The following FUT8 variants were observed in gnomAD, a reference collection of about 807,000 sequenced individuals.
FUT8 encodes the protein fucosyltransferase 8, also known as alpha-(1,6)-fucosyltransferase.
In FUT8, 29 loss-of-function variants were observed where a neutral mutation model predicts 71.3. The observed-to-expected ratio is 0.41, with a 90% confidence interval of 0.30 to 0.55. FUT8 has a LOEUF of 0.55. FUT8 is among the 20% of genes least tolerant of loss of function. The probability of loss-of-function intolerance (pLI) is 0.34; values close to 1 mark genes in which losing one functional copy is unlikely to be tolerated. For synonymous variants in FUT8, 254 were observed against 239.3 expected (o/e 1.06, Z -0.57); for missense variants, 544 against 702.1 (o/e 0.77, Z 2.55).
rs540639470 is a variant in FUT8 at position 65,682,254 on chromosome 14, A to G, written c.835+12774A>G. On this transcript the variant is annotated intron_variant, in intron 7 of 10. Transcript: ENST00000673929. Reference sequence around the variant, plus strand: ...GTGGTGGCTCACGCTTATAATCCCAACACTTTGGGAGGTTGATGCAGGAGG... The same window carrying G: ...GTGGTGGCTCACGCTTATAATCCCAGCACTTTGGGAGGTTGATGCAGGAGG... 3.3e-5 allele frequency among the ~76,000 whole-genome samples: 5 copies of G among 152,340 alleles called. No individual in the cohort carries two copies. The South Asian group carries it at 8.3e-4, about 25-fold the overall frequency.
At chr14:65,451,304 C>T (rs192713191) in intron 1 of FUT8, among the ~76,000 whole-genome samples, 28 of 152,358 alleles carry the variant, frequency 1.8e-4, no homozygotes, top group Middle Eastern at 3.4e-3. Context: ...TTCTGCCCCT[C>T]GCAGGAGGGA....
Position 65,448,091 on chromosome 14 carries a change from T to A in FUT8, c.-325-7530T>A, listed in dbSNP as rs76518004. Among the ~76,000 whole-genome samples, 872 of 152,340 alleles carry A rather than the reference T, an allele frequency of 5.7e-3. 31 individuals carry two copies. In the East Asian group the frequency reaches 0.093, roughly 16 times the overall value. ...GGTCATAAGACCCCTGACCTGTTGA[T>A]TCTATCTCTTTATCTTACCTAGTAA... On this transcript the variant is annotated intron_variant, in intron 1 of 10. Coordinates refer to ENST00000673929, the MANE Select transcript of FUT8 (RefSeq NM_001371533.1).
intron 7 of FUT8, among the ~76,000 whole-genome samples, chr14:65,700,369 T>C (rs1000630767): frequency 6.7e-6 from 1 of 149,850 alleles, no homozygotes; most frequent in Admixed American, 6.7e-5. Flanking sequence ...CTACTTTCTT[T>C]TCTTTCTTTC....
At chr14:65,542,893 C>T (rs1316788077) in intron 2 of FUT8, among the ~76,000 whole-genome samples, 1 of 152,112 alleles carries the variant, frequency 6.6e-6, no homozygotes, top group African/African-American at 2.4e-5. Flanking sequence ...AGCGATTATC[C>T]AGCCTCAGCC....
At chr14:65,667,994 T>C (rs1365175278) in intron 6 of FUT8, among the ~76,000 whole-genome samples, 2 of 152,136 alleles carry the variant, frequency 1.3e-5, no homozygotes, top group African/African-American at 4.8e-5. Flanking sequence ...ATTCAATAAA[T>C]TGTGCTGGGA....
intron 9 of FUT8, among the ~76,000 whole-genome samples, chr14:65,726,373 G>A (rs866926623): frequency 6.6e-6 from 1 of 152,168 alleles, no homozygotes; most frequent in Admixed American, 6.5e-5. Flanking sequence ...CCCAGACTGG[G>A]CAATTTACAA....
chr14:65,525,927 C>T (rs1056283455), intron 2 of FUT8, among the ~76,000 whole-genome samples: 1 of 152,132 alleles, frequency 6.6e-6, no homozygotes, highest in Non-Finnish European at 1.5e-5. Flanking sequence ...GTCTGAGAGA[C>T]AGTTTGTTAT....
rs1284197668 is a variant in FUT8, at chr14:65,643,888, T to C, written c.597+14282T>C. Among the ~76,000 whole-genome samples, 2 of 152,204 alleles carry C rather than the reference T, an allele frequency of 1.3e-5. No individual in the cohort carries two copies. The highest frequency in any genetic ancestry group is 3.9e-4 in the East Asian group (2 of 5,192). On this transcript the variant is annotated intron_variant, in intron 6 of 10. Transcript: ENST00000673929. This position sits in a 1 kb window ranked among gnomAD's most constrained non-coding sequence, Gnocchi z 4.5. ...ACTTGTTTTAAAGTTATTTCGAAAG[T>C]AATTTTCTCTTTCTAGAAATATGCC...
chr14:65,725,355 A>G (rs1895624931), intron 9 of FUT8, among the ~76,000 whole-genome samples: 1 of 152,214 alleles, frequency 6.6e-6, no homozygotes, highest in South Asian at 2.1e-4. Flanking sequence ...CAGTTGAGTA[A>G]CACTATTATA....
At chr14:65,637,599 T>G (rs778800735) in intron 6 of FUT8, among the ~76,000 whole-genome samples, 13 of 152,032 alleles carry the variant, frequency 8.6e-5, no homozygotes, top group Non-Finnish European at 1.6e-4. Context: ...TTATTTATAT[T>G]TATTTATTTA....
chr14:65,581,751 T>C (rs1453900317), intron 3 of FUT8, among the ~76,000 whole-genome samples: 1 of 152,148 alleles, frequency 6.6e-6, no homozygotes, highest in Non-Finnish European at 1.5e-5. Flanking sequence ...TGAGTTTGTA[T>C]ATTTTATTAT....
chr14:65,379,663 G>A, the FUT8 span, among the ~76,000 whole-genome samples: 1 of 152,178 alleles, frequency 6.6e-6, no homozygotes, highest in African/African-American at 2.4e-5. Flanking sequence ...CAAGAAAAGG[G>A]GGCCTGATTA....
At chr14:65,396,118 T>C in the FUT8 span, among the ~76,000 whole-genome samples, 1 of 152,214 alleles carries the variant, frequency 6.6e-6, no homozygotes, top group South Asian at 2.1e-4. The surrounding 1 kb of genome is among the most constrained non-coding windows in gnomAD (Gnocchi z 5.5). Context: ...CACATCACTA[T>C]CAGCATTTTG....
rs116154488 is a variant in FUT8 at position 65,522,817 on chromosome 14, G to A, written c.-227-38520G>A. ...GGTTTCCACCAATGAGTGAGAACAT[G>A]TGGTATTTGGTTTACTGTCCTTGCG... On this transcript the variant is annotated intron_variant, in intron 2 of 10. Coordinates refer to ENST00000673929, the MANE Select transcript of FUT8 (RefSeq NM_001371533.1). Among the ~76,000 whole-genome samples, 561 of 148,720 alleles carry A rather than the reference G, an allele frequency of 3.8e-3. 3 individuals carry two copies. The highest frequency in any genetic ancestry group is 0.013 in the African/African-American group (536 of 40,232).
rs147504685 is a variant in FUT8, at chr14:65,511,857, C to T, written c.-227-49480C>T. Among the ~76,000 whole-genome samples the T allele has an allele frequency of 2.8e-3, 431 of 152,162 alleles. 2 individuals carry two copies. Among genetic ancestry groups the T allele is most frequent in the African/African-American group, 9.8e-3 (407 of 41,508 alleles). On this transcript the variant is annotated intron_variant, in intron 2 of 10. Coordinates refer to ENST00000673929, the MANE Select transcript of FUT8 (RefSeq NM_001371533.1). The stretch of plus-strand genomic sequence containing the variant: ...TTTTTTTAAATCCATTCAGCTATCC[C>T]GAGTCTTGTGATTGGTGAGTTTAGT...
intron 2 of FUT8, among the ~76,000 whole-genome samples, chr14:65,491,985 G>A (rs6573614): frequency 0.68 from 103,892 of 151,880 alleles, 35,806 homozygotes; most frequent in East Asian, 0.9. Context: ...GTCACTTACA[G>A]CCAGCCTGGT....
intron 5 of FUT8, among the ~76,000 whole-genome samples, chr14:65,622,895 A>AGG (rs1183127913): frequency 8.6e-5 from 12 of 140,208 alleles, no homozygotes. Context: ...GCTGGCCCTT[A>AGG]GGGGGAGCTT....
chr14:65,549,976 G>A (rs543302079), intron 2 of FUT8, among the ~76,000 whole-genome samples: 29 of 152,242 alleles, frequency 1.9e-4, no homozygotes, highest in African/African-American at 6.5e-4. Flanking sequence ...CAGGAGAATC[G>A]CTTGAACCCA....
At chr14:65,727,955 G>T (rs538568331) in intron 9 of FUT8, among the ~76,000 whole-genome samples, 2 of 152,286 alleles carry the variant, frequency 1.3e-5, no homozygotes, top group East Asian at 3.9e-4. Flanking sequence ...GAGACAAAAT[G>T]CTGCCAGTCT....
Sources: allele counts gnomAD v4.1 joint callset (sites outside exome capture counted in the v4.1 genomes callset), GRCh38; gene constraint gnomAD v4.1.1; non-coding constraint Gnocchi (gnomAD v3.1); transcripts MANE v1.5; gene names NCBI Gene and HGNC (gene_info 2026-07-23, HGNC 2026-07-21).